Variants in CRPPA observed in about 807,000 individuals in gnomAD.
The protein encoded by CRPPA is D-ribitol-5-phosphate cytidylyltransferase.
Under a neutral mutation model 52.0 loss-of-function variants are expected in CRPPA, and 43 were observed. The ratio of observed to expected loss-of-function variants is 0.83; its 90% confidence interval spans 0.65 to 1.07. The LOEUF is 1.07. CRPPA is among the 50% of genes least tolerant of loss of function. The pLI, the probability that CRPPA is intolerant of heterozygous loss-of-function variation, is 0.00. For missense variants in CRPPA, 629 were observed against 551.7 expected (o/e 1.14, Z -1.40); for synonymous variants, 250 against 203.5 (o/e 1.23, Z -1.94).
rs1781735574 is a variant in CRPPA at position 16,088,187 on chromosome 7, C to T, written c.*3508G>A. ...CTCACGCTATGATGAACTCCTAAGA[C>T]GACTAACTTTAATTTGCATTTAACT... On this transcript the variant is annotated 3_prime_UTR_variant, in exon 10 of 10. Coordinates refer to ENST00000407010, the MANE Select transcript of CRPPA (RefSeq NM_001101426.4). 6.6e-6 allele frequency: 1 copy of T among 152,050 alleles called. No individual in the cohort carries two copies. The highest frequency in any genetic ancestry group is 2.1e-4 in the South Asian group (1 of 4,830). 9.4% of individuals were successfully genotyped at this position (152,050 alleles called of 1,614,324 possible). A position where few individuals can be genotyped will look rare whatever the true frequency, so the allele number is the denominator to read the frequency against.
intron 2 of CRPPA, among the ~76,000 whole-genome samples, chr7:16,393,624 T>A (rs549690544): frequency 9.9e-5 from 15 of 152,254 alleles, no homozygotes; most frequent in African/African-American, 2.9e-4. Context: ...ACACATTTTT[T>A]AAAAATGGTG....
intron 3 of CRPPA, among the ~76,000 whole-genome samples, chr7:16,333,289 C>A (rs866988163): frequency 6.6e-6 from 1 of 152,160 alleles, no homozygotes. Flanking sequence ...TATCTATTGA[C>A]TACTTCATCC....
At chr7:16,388,657 T>C (rs540927667) in intron 2 of CRPPA, among the ~76,000 whole-genome samples, 1 of 152,272 alleles carries the variant, frequency 6.6e-6, no homozygotes, top group Non-Finnish European at 1.5e-5. Context: ...GGTGGATCAC[T>C]TGAGGTCAGG....
intron 9 of CRPPA, among the ~76,000 whole-genome samples, chr7:16,157,133 T>G (rs1783198431): frequency 6.6e-6 from 1 of 152,136 alleles, no homozygotes; most frequent in South Asian, 2.1e-4. Flanking sequence ...GAAGAAATAT[T>G]TATTGTGTTT....
intron 4 of CRPPA, among the ~76,000 whole-genome samples, chr7:16,302,000 AC>A (rs1331641148): frequency 6.6e-6 from 1 of 152,210 alleles, no homozygotes; most frequent in African/African-American, 2.4e-5. Context: ...CCTATAGGGT[AC>A]CACTATGTGT....
At chr7:16,371,946 G>T (rs893934018) in intron 3 of CRPPA, among the ~76,000 whole-genome samples, 2 of 151,978 alleles carry the variant, frequency 1.3e-5, no homozygotes, top group African/African-American at 4.8e-5. Context: ...CAGACTAGAA[G>T]ACGCAGAAGA....
intron 9 of CRPPA, among the ~76,000 whole-genome samples, chr7:16,096,448 C>A (rs1583351827): frequency 6.6e-6 from 1 of 151,824 alleles, no homozygotes; most frequent in East Asian, 1.9e-4. Context: ...AACATAGAAT[C>A]TATAATAAAG....
In CRPPA at chr7:16,407,566, T is replaced by C. The variant is rs191462164; in HGVS notation, c.258-1229A>G. On this transcript the variant is annotated intron_variant, in intron 1 of 9. Transcript: ENST00000407010. ...AGTCTTTAGAATATTTTTAAAGATA[T>C]GGAAGGGCCTGAAAATTACTGCATA... Among the ~76,000 whole-genome samples, 82 of 152,296 alleles carry C rather than the reference T, an allele frequency of 5.4e-4. 1 individual carries two copies. In the East Asian group the frequency reaches 0.013, roughly 24 times the overall value.
chr7:16,191,821 T>G (rs1050970324), intron 9 of CRPPA, among the ~76,000 whole-genome samples: 1 of 152,124 alleles, frequency 6.6e-6, no homozygotes, highest in South Asian at 2.1e-4. Flanking sequence ...TTATTCCACT[T>G]TATTTTTCCC....
At chr7:16,353,579 G>A (rs1298051175) in intron 3 of CRPPA, among the ~76,000 whole-genome samples, 3 of 152,166 alleles carry the variant, frequency 2.0e-5, no homozygotes, top group South Asian at 4.1e-4. Context: ...GCAGGGTGTG[G>A]TGGCTCACGC....
intron 9 of CRPPA, among the ~76,000 whole-genome samples, chr7:16,106,882 G>A (rs946533735): frequency 3.3e-5 from 5 of 151,788 alleles, no homozygotes; most frequent in Non-Finnish European, 5.9e-5. Flanking sequence ...ATACAGATAG[G>A]AAATTTCATG....
At chr7:16,301,010 A>G (rs1353360652) in intron 5 of CRPPA, among the ~76,000 whole-genome samples, 1 of 152,220 alleles carries the variant, frequency 6.6e-6, no homozygotes, top group Non-Finnish European at 1.5e-5. Context: ...TAATTTCTCC[A>G]GTTAGGAAAA....
At chr7:16,251,815 G>C (rs1783458238) in intron 8 of CRPPA, among the ~76,000 whole-genome samples, 1 of 152,094 alleles carries the variant, frequency 6.6e-6, no homozygotes, top group African/African-American at 2.4e-5. Flanking sequence ...ACAATGAAAA[G>C]AACTAGAGGA....
intron 9 of CRPPA, among the ~76,000 whole-genome samples, chr7:16,120,383 G>A (rs1390195926): frequency 6.6e-6 from 1 of 152,076 alleles, no homozygotes; most frequent in Non-Finnish European, 1.5e-5. Flanking sequence ...ATCCCATCAA[G>A]TGAGTTTAAC....
intron 9 of CRPPA, among the ~76,000 whole-genome samples, chr7:16,189,761 G>A (rs1781571137): frequency 6.6e-6 from 1 of 152,124 alleles, no homozygotes; most frequent in African/African-American, 2.4e-5. Context: ...AATCACAGAG[G>A]AATAGTTCTT....
intron 6 of CRPPA, among the ~76,000 whole-genome samples, chr7:16,273,339 G>GCTCCA: frequency 6.6e-6 from 1 of 151,874 alleles, no homozygotes; most frequent in East Asian, 1.9e-4. Context: ...AAAACCCCAA[G>GCTCCA]CTCCACTAGC....
intron 1 of CRPPA, among the ~76,000 whole-genome samples, chr7:16,420,782 A>G (rs1173044183): frequency 6.6e-6 from 1 of 151,994 alleles, no homozygotes; most frequent in Non-Finnish European, 1.5e-5. Context: ...CCTAGTCCCA[A>G]CCCATGCACT....
chr7:16,097,482 T>A (rs1266469487), intron 9 of CRPPA, among the ~76,000 whole-genome samples: 2 of 152,184 alleles, frequency 1.3e-5, no homozygotes, highest in South Asian at 4.1e-4. Flanking sequence ...AAGTTTAGGA[T>A]GAAATACACC....
intron 9 of CRPPA, among the ~76,000 whole-genome samples, chr7:16,153,969 C>T (rs1166947648): frequency 2.0e-5 from 3 of 151,348 alleles, no homozygotes; most frequent in Non-Finnish European, 4.4e-5. Context: ...ACTACAATTA[C>T]AGACTTTCAT....
Sources: allele counts gnomAD v4.1 joint callset (sites outside exome capture counted in the v4.1 genomes callset), GRCh38; gene constraint gnomAD v4.1.1; transcripts MANE v1.5; gene names NCBI Gene and HGNC (gene_info 2026-07-23, HGNC 2026-07-21).